Variants in PCDH15 observed in about 807,000 individuals in gnomAD.
The protein encoded by PCDH15 is protocadherin related 15.
A neutral mutation model predicts 178.5 loss-of-function variants in PCDH15; 129 were observed. The observed-to-expected ratio is 0.72, with a 90% CI of 0.63 to 0.84. The LOEUF (loss-of-function observed/expected upper bound fraction) is 0.84, where lower values mean the gene tolerates loss of function less well. Ranked by LOEUF, PCDH15 falls within the 40% of genes least tolerant of loss-of-function variation. The pLI, the probability that PCDH15 is intolerant of heterozygous loss-of-function variation, is 0.00. For synonymous variants in PCDH15, 800 were observed against 732.0 expected (o/e 1.09, Z -1.50); for missense variants, 2,230 against 2,099.9 (o/e 1.06, Z -1.21).
At chr10:54,161,150 C>G (rs1286034525) in intron 13 of PCDH15, among the ~76,000 whole-genome samples, 1 of 152,114 alleles carries the variant, frequency 6.6e-6, no homozygotes, top group African/African-American at 2.4e-5. Flanking sequence ...AAATGCCCAT[C>G]AACTGGTAAA....
chr10:54,950,192 C>T (rs1194209504), intron 2 of PCDH15, among the ~76,000 whole-genome samples: 1 of 152,020 alleles, frequency 6.6e-6, no homozygotes, highest in Admixed American at 6.6e-5. Context: ...TTCAGCATGG[C>T]TGGGATCCTT....
At chr10:54,181,126 C>T (rs1350068390) in intron 13 of PCDH15, among the ~76,000 whole-genome samples, 1 of 152,036 alleles carries the variant, frequency 6.6e-6, no homozygotes, top group Non-Finnish European at 1.5e-5. Context: ...TGAAAATCAG[C>T]TCTAATTAAA....
At chr10:54,165,421 G>A (rs893384977) in intron 13 of PCDH15, among the ~76,000 whole-genome samples, 13 of 152,006 alleles carry the variant, frequency 8.6e-5, no homozygotes, top group African/African-American at 3.1e-4. Context: ...CCAAAAAAAG[G>A]CAAGAAATAA....
intron 8 of PCDH15, among the ~76,000 whole-genome samples, chr10:54,311,467 CTT>C (rs923464860): frequency 1.8e-4 from 27 of 151,992 alleles, no homozygotes; most frequent in African/African-American, 6.0e-4. Flanking sequence ...ATTCTACAGA[CTT>C]TTTTCATAAT....
intron 3 of PCDH15, among the ~76,000 whole-genome samples, chr10:54,424,703 T>A (rs1275374423): frequency 1.3e-5 from 2 of 151,970 alleles, no homozygotes; most frequent in Non-Finnish European, 2.9e-5. Flanking sequence ...GTTCATGTCC[T>A]TTGTAGGGAC....
chr10:54,243,798 C>A (rs1037649858), intron 8 of PCDH15, among the ~76,000 whole-genome samples: 5 of 151,776 alleles, frequency 3.3e-5, no homozygotes. Flanking sequence ...TCAGACATAT[C>A]GAAATGTTTT....
rs1986389 is a variant in PCDH15, at chr10:55,612,911, C to A, written c.-156+14714G>T. Among the ~76,000 whole-genome samples, 706 of 151,548 alleles carry A rather than the reference C, an allele frequency of 4.7e-3. 6 individuals are homozygous for A. The highest frequency in any genetic ancestry group is 0.016 in the African/African-American group (673 of 41,300). On this transcript the variant is annotated intron_variant, in intron 2 of 5. Coordinates refer to the PCDH15 transcript ENST00000613346. ...CTTTATAATTGAAACAATATACAAA[C>A]TATATTATTAAATAAGCTATGGTAT...
At chr10:55,314,844 A>T (rs929949418) in intron 1 of PCDH15, among the ~76,000 whole-genome samples, 1 of 152,164 alleles carries the variant, frequency 6.6e-6, no homozygotes, top group African/African-American at 2.4e-5. Flanking sequence ...ACACTTCTTG[A>T]TATTTTGTTC....
upstream of PCDH15, among the ~76,000 whole-genome samples, chr10:54,803,113 T>C (rs2133718336): frequency 6.6e-6 from 1 of 152,318 alleles, no homozygotes; most frequent in East Asian, 1.9e-4. Flanking sequence ...CTAGAGATGA[T>C]ATTTTCTTTG....
At chr10:55,290,837 T>C (rs940379433) in intron 1 of PCDH15, among the ~76,000 whole-genome samples, 5 of 152,074 alleles carry the variant, frequency 3.3e-5, no homozygotes, top group African/African-American at 1.2e-4. Context: ...AAAGGTATGT[T>C]GAAAGAAAAA....
chr10:54,549,170 A>AT (rs976800910), intron 2 of PCDH15, among the ~76,000 whole-genome samples: 1 of 151,370 alleles, frequency 6.6e-6, no homozygotes, highest in African/African-American at 2.4e-5. Flanking sequence ...TTGATACTTT[A>AT]TGTTTTTTAT....
chr10:54,556,074 G>A (rs1277429786), intron 2 of PCDH15, among the ~76,000 whole-genome samples: 3 of 152,172 alleles, frequency 2.0e-5, no homozygotes, highest in Non-Finnish European at 4.4e-5. Context: ...ATCCCAGTGG[G>A]CTGGGGTACC....
chr10:54,085,449 T>C (rs1365451063), intron 16 of PCDH15, among the ~76,000 whole-genome samples: 2 of 152,162 alleles, frequency 1.3e-5, no homozygotes, highest in African/African-American at 4.8e-5. Flanking sequence ...TAAATAACTA[T>C]ACCATTAGGC....
chr10:54,003,794 T>C (rs1309658440), intron 20 of PCDH15, among the ~76,000 whole-genome samples: 1 of 127,392 alleles, frequency 7.8e-6, no homozygotes, highest in Non-Finnish European at 1.7e-5. Context: ...ACTCATTCTA[T>C]AAAGACAATA....
rs77428052 is a variant in PCDH15, at chr10:54,936,229, C to T, written c.-79-38729G>A. Reference sequence around the variant, plus strand: ...TGTTGCAAGCATATTTATTTTATTGCCATATTAAATTTCATTGTGTGGATA... The same window carrying T: ...TGTTGCAAGCATATTTATTTTATTGTCATATTAAATTTCATTGTGTGGATA... On this transcript the variant is annotated intron_variant, in intron 2 of 5. Coordinates refer to the PCDH15 transcript ENST00000458638. Among the ~76,000 whole-genome samples, 743 of 152,012 alleles carry T rather than the reference C, an allele frequency of 4.9e-3. 7 individuals are homozygous for T. The highest frequency in any genetic ancestry group is 0.017 in the African/African-American group (721 of 41,510).
At chr10:54,280,728 T>C (rs2058645019) in intron 8 of PCDH15, among the ~76,000 whole-genome samples, 1 of 151,790 alleles carries the variant, frequency 6.6e-6, no homozygotes, top group South Asian at 2.1e-4. Context: ...GTGGACACTG[T>C]CGGCTTTTCG....
intron 3 of PCDH15, among the ~76,000 whole-genome samples, chr10:54,889,097 C>A (rs1473357209): frequency 6.6e-6 from 1 of 151,806 alleles, no homozygotes; most frequent in Non-Finnish European, 1.5e-5. Context: ...AGTGACCTGG[C>A]TCATTGAAGA....
At chr10:54,948,894 C>T (rs1838259496) in intron 2 of PCDH15, among the ~76,000 whole-genome samples, 1 of 151,724 alleles carries the variant, frequency 6.6e-6, no homozygotes, top group African/African-American at 2.4e-5. Context: ...ACCCCTTGGC[C>T]CAATCAAGTT....
At chr10:54,075,335 C>A (rs540077568) in intron 17 of PCDH15, among the ~76,000 whole-genome samples, 2 of 151,900 alleles carry the variant, frequency 1.3e-5, no homozygotes, top group South Asian at 4.1e-4. Flanking sequence ...CGAGATCGCG[C>A]CACTGCACTC....
Sources: allele counts gnomAD v4.1 joint callset (sites outside exome capture counted in the v4.1 genomes callset), GRCh38; gene constraint gnomAD v4.1.1; transcripts MANE v1.5; gene names NCBI Gene and HGNC (gene_info 2026-07-23, HGNC 2026-07-21).